The following MIAT variants were observed in gnomAD, a reference collection of about 807,000 sequenced individuals.
The protein encoded by MIAT is MI related novel mRNA.
chr22:26,674,040 GTA>G, downstream of MIAT: 1 of 398,684 alleles, frequency 2.5e-6, no homozygotes, highest in East Asian at 3.6e-5. Flanking sequence ...ATGCCATTTT[GTA>G]TAGAGTCACC....
chr22:26,658,537 C>T (rs1262251478), intron 2 of MIAT, among the ~76,000 whole-genome samples: 2 of 152,222 alleles, frequency 1.3e-5, no homozygotes, highest in African/African-American at 2.4e-5. Flanking sequence ...CTCCAGGACA[C>T]TCCCTGGAGA....
downstream of MIAT, chr22:26,674,296 T>C (rs927038291): frequency 1.0e-5 from 4 of 398,578 alleles, no homozygotes; most frequent in Non-Finnish European, 1.8e-5. Flanking sequence ...TTGATCTCTT[T>C]AGACTGAGGG....
At chr22:26,673,672 AACTTGGCTAACACAGG>A, downstream of MIAT, 1 of 397,528 alleles carries the variant, frequency 2.5e-6, no homozygotes. Context: ...CACAGGTTTG[AACTTGGCTAACACAGG>A]TTTGAACTTG....
At chr22:26,654,476 C>A (rs1282814592) in intron 2 of MIAT, among the ~76,000 whole-genome samples, 1 of 152,152 alleles carries the variant, frequency 6.6e-6, no homozygotes, top group East Asian at 1.9e-4. Context: ...CTCTATGGAT[C>A]CCCTGTATTC....
chr22:26,655,354 A>G (rs371336926), intron 2 of MIAT, among the ~76,000 whole-genome samples: 4 of 152,234 alleles, frequency 2.6e-5, no homozygotes, highest in African/African-American at 7.2e-5. Flanking sequence ...CTAAAAGGAC[A>G]GGCTTAAATC....
At chr22:26,670,822 T>C (rs1931019202), downstream of MIAT, 5 of 398,466 alleles carry the variant, frequency 1.3e-5, no homozygotes, top group East Asian at 1.8e-4. Flanking sequence ...GGGGTTTCTA[T>C]GGGAAAAGTA....
chr22:26,656,743 A>G (rs919970279), intron 2 of MIAT, among the ~76,000 whole-genome samples: 2 of 152,216 alleles, frequency 1.3e-5, no homozygotes, highest in Admixed American at 1.3e-4. Context: ...GGGCAGTTAA[A>G]TAAAAGACTA....
downstream of MIAT, chr22:26,670,976 A>G (rs1317350804): frequency 7.6e-6 from 3 of 394,106 alleles, no homozygotes; most frequent in East Asian, 7.1e-5. Context: ...TTTTTTTTCT[A>G]ATGGTGGGAG....
chr22:26,671,247 C>A (rs1280094788), downstream of MIAT: 11 of 398,582 alleles, frequency 2.8e-5, no homozygotes, highest in East Asian at 3.2e-4. Context: ...AATAGGGAAG[C>A]AACATGCTTT....
intron 2 of MIAT, among the ~76,000 whole-genome samples, chr22:26,657,034 G>A (rs952848628): frequency 6.6e-6 from 1 of 152,392 alleles, no homozygotes. Flanking sequence ...CCATAACCAT[G>A]TGCATAAAGA....
At chr22:26,665,902 T>G (rs148437911) in exon 4 of MIAT, 2 of 398,536 alleles carry the variant, frequency 5.0e-6, no homozygotes, top group South Asian at 1.3e-4. Context: ...TCTTGTGTAC[T>G]TGTAGAACTG....
At chr22:26,647,028 C>T (rs1296987592) in intron 1 of MIAT, 1 of 398,018 alleles carries the variant, frequency 2.5e-6, no homozygotes, top group Non-Finnish European at 4.4e-6. Context: ...ATTTGATTGG[C>T]TTTTAAAGGA....
chr22:26,656,017 C>CT (rs71192952), intron 2 of MIAT: 6,545 of 146,230 alleles, frequency 0.045, 150 homozygotes, highest in African/African-American at 0.053. Context: ...CTTTTCTTTT[C>CT]TTTTTTTTTT....
At chr22:26,663,991 G>T (rs1930760061) in intron 3 of MIAT, among the ~76,000 whole-genome samples, 1 of 143,388 alleles carries the variant, frequency 7.0e-6, no homozygotes, top group African/African-American at 2.6e-5. Flanking sequence ...ATATATGGAA[G>T]CTTCTGTGTT....
At chr22:26,670,943 G>C (rs1314859297), downstream of MIAT, 1 of 398,054 alleles carries the variant, frequency 2.5e-6, no homozygotes, top group African/African-American at 2.1e-5. Context: ...GGTTCCAGGA[G>C]CCAGGCCAGC....
At chr22:26,670,917 G>A (rs1415427120), downstream of MIAT, 1 of 398,256 alleles carries the variant, frequency 2.5e-6, no homozygotes, top group African/African-American at 2.1e-5. Flanking sequence ...GGGTGGGCGT[G>A]GGGGAGTCTC....
At chr22:26,672,791 T>TA (rs1931100715), downstream of MIAT, 2 of 398,594 alleles carry the variant, frequency 5.0e-6, no homozygotes, top group South Asian at 2.5e-4. Context: ...GAAGCGGGTC[T>TA]TTCCTACGCT....
At chr22:26,671,916 G>C, downstream of MIAT, 2 of 398,438 alleles carry the variant, frequency 5.0e-6, no homozygotes, top group Non-Finnish European at 8.8e-6. Flanking sequence ...CTCTCTGGGT[G>C]TTCTGCACAC....
At chr22:26,664,235 C>A (rs1930770084) in intron 3 of MIAT, among the ~76,000 whole-genome samples, 1 of 152,096 alleles carries the variant, frequency 6.6e-6, no homozygotes, top group African/African-American at 2.4e-5. Flanking sequence ...TGGTCTCGAA[C>A]TCCTGACCTC....
Sources: allele counts gnomAD v4.1 joint callset (sites outside exome capture counted in the v4.1 genomes callset), GRCh38; gene constraint gnomAD v4.1.1; transcripts MANE v1.5; gene names NCBI Gene and HGNC (gene_info 2026-07-23, HGNC 2026-07-21).